The following ESYT2 variants were observed in gnomAD, a reference collection of about 807,000 sequenced individuals.
ESYT2 encodes extended synaptotagmin-2.
A neutral mutation model predicts 107.2 loss-of-function variants in ESYT2; 54 were observed. That is an observed-to-expected ratio of 0.50 (90% CI 0.40 to 0.63). The LOEUF is 0.63. Among genes scored for constraint, ESYT2 ranks in the 30% least tolerant of loss-of-function variants. The pLI is 0.00. For synonymous variants in ESYT2, 491 were observed against 434.1 expected (o/e 1.13, Z -1.63); for missense variants, 1,020 against 1,094.5 (o/e 0.93, Z 0.96).
At chr7:158,771,044 A>T (rs142228501) in intron 7 of ESYT2, among the ~76,000 whole-genome samples, 59 of 152,334 alleles carry the variant, frequency 3.9e-4, no homozygotes, top group Non-Finnish European at 7.8e-4. Context: ...AAAAGAGCCT[A>T]CATAAAAATT....
At chr7:158,819,239 G>A (rs1840225855) in intron 1 of ESYT2, among the ~76,000 whole-genome samples, 5 of 152,148 alleles carry the variant, frequency 3.3e-5, no homozygotes, top group Admixed American at 6.5e-5. Flanking sequence ...GCCTTCCAAG[G>A]CCAGACTTCT....
In ESYT2 at chr7:158,823,465, T is replaced by A. The variant is rs536677723; in HGVS notation, c.330+5624A>T. On this transcript the variant is annotated intron_variant, in intron 1 of 22. Coordinates refer to ENST00000275418, the MANE Select transcript of ESYT2 (RefSeq NM_001367773.1). Reference sequence around the variant, plus strand: ...CCTCAGCCTCCCGAGTAGCTGGGACTACAGGCGCACACCGCCACGCCCGGC... The same window carrying A: ...CCTCAGCCTCCCGAGTAGCTGGGACAACAGGCGCACACCGCCACGCCCGGC... Among the ~76,000 whole-genome samples the A allele has an allele frequency of 1.6e-3, 237 of 150,188 alleles. 1 individual carries two copies. The highest frequency in any genetic ancestry group is 5.6e-3 in the African/African-American group (229 of 41,006).
chr7:158,762,562 T>C (rs115077990), intron 10 of ESYT2, among the ~76,000 whole-genome samples: 1,736 of 152,358 alleles, frequency 0.011, 27 homozygotes, highest in African/African-American at 0.04. Context: ...TATTAACAAA[T>C]GGTGGTCAAA....
intron 16 of ESYT2, among the ~76,000 whole-genome samples, chr7:158,745,432 G>C (rs969476030): frequency 7.3e-6 from 1 of 137,070 alleles, no homozygotes; most frequent in African/African-American, 3.1e-5. Flanking sequence ...CTTCATACCT[G>C]ATATAAGTAG....
intron 13 of ESYT2, among the ~76,000 whole-genome samples, chr7:158,753,154 A>G (rs1192965975): frequency 6.6e-6 from 1 of 152,252 alleles, no homozygotes; most frequent in East Asian, 1.9e-4. Flanking sequence ...GCTTTAGGAA[A>G]GGGTTCTATT....
chr7:158,803,375 C>T (rs1282247175), intron 1 of ESYT2, among the ~76,000 whole-genome samples: 7 of 152,200 alleles, frequency 4.6e-5, no homozygotes, highest in Non-Finnish European at 1.0e-4. Flanking sequence ...TCTACAAGAA[C>T]ATGAGACGCC....
intron 16 of ESYT2, 113 bp from the exon 17 acceptor site, chr7:158,743,791 T>A: frequency 8.1e-7 from 1 of 1,237,508 alleles, no homozygotes; most frequent in Non-Finnish European, 1.1e-6. Context: ...TTAGAAAATG[T>A]AGAAAGGGGC....
chr7:158,772,444 T>G (rs1015580969), intron 7 of ESYT2, among the ~76,000 whole-genome samples: 4 of 152,230 alleles, frequency 2.6e-5, no homozygotes, highest in Non-Finnish European at 4.4e-5. Flanking sequence ...AGTTTCATAA[T>G]TTTCTAAACT....
chr7:158,743,705 G>C, intron 16 of ESYT2, 27 bp from the exon 17 acceptor site: 1 of 1,597,286 alleles, frequency 6.3e-7, no homozygotes, highest in Non-Finnish European at 8.5e-7. Flanking sequence ...GGAAACACTG[G>C]CATAACTAGG....
intron 1 of ESYT2, among the ~76,000 whole-genome samples, chr7:158,810,138 AAC>A (rs1356551683): frequency 6.6e-6 from 1 of 151,558 alleles, no homozygotes; most frequent in Non-Finnish European, 1.5e-5. Flanking sequence ...AAAATATGTA[AAC>A]ACAGAGGTAC....
Position 158,829,075 on chromosome 7 carries a change from G to A in ESYT2, c.330+14C>T. On this transcript the variant is annotated intron_variant, in intron 1 of 22. Transcript: ENST00000275418. ...GGTGGTCAGGGGTCGGGACGGGCAGGGGTCTGCACTCACCCAGGCGGGCAG... is the reference window on the plus strand; with the variant it reads ...GGTGGTCAGGGGTCGGGACGGGCAGAGGTCTGCACTCACCCAGGCGGGCAG... 1 of 1,580,534 alleles carries A rather than the reference G, an allele frequency of 6.3e-7. No individual in the cohort carries two copies. The highest frequency in any genetic ancestry group is 8.5e-7 in the Non-Finnish European group (1 of 1,172,778).
At position 158,759,575 on chromosome 7, in the gene ESYT2, T is replaced by C; in HGVS notation, c.1330A>G (p.Thr444Ala). 6.2e-7 allele frequency: 1 copy of C among 1,609,088 alleles called. No individual in the cohort carries two copies. The highest frequency in any genetic ancestry group is 8.5e-7 in the Non-Finnish European group (1 of 1,175,892). The change falls in exon 13 of 23, where the codon ACA (threonine) becomes GCA (alanine). Residue 444 changes from threonine (T) to alanine (A), a missense_variant. Transcript: ENST00000275418. Reference protein sequence around the residue: ...PNASNLDKVLTDIKADKDQAN... With the variant: ...PNASNLDKVLADIKADKDQAN... ...TGGTCTTTGTCAGCTTTGATGTCTG[T>C]TAGCACCTAAAAGGAAAGGAAAAAG...
At chr7:158,804,702 G>A (rs945628204) in intron 1 of ESYT2, among the ~76,000 whole-genome samples, 6 of 151,510 alleles carry the variant, frequency 4.0e-5, no homozygotes, top group Admixed American at 2.6e-4. Context: ...GGTGAGGCGC[G>A]TGACAAACCC....
chr7:158,737,088 G>T lies in ESYT2; in HGVS notation c.2359C>A (p.His787Asn). 4 of 1,613,956 alleles carry T rather than the reference G, an allele frequency of 2.5e-6. No homozygotes were observed. The highest frequency in any genetic ancestry group is 3.4e-6 in the Non-Finnish European group (4 of 1,179,874). The change falls in exon 20 of 23, where the codon CAC becomes AAC. Residue 787 changes from histidine (H) to asparagine (N), a missense_variant. Coordinates refer to ENST00000275418, the MANE Select transcript of ESYT2 (RefSeq NM_001367773.1). ...GGATTTAATGTTTTCTTTGACACGTGTGTTTTCCTCCTTCCTGACCGCCTC... is the reference window on the plus strand; with the variant it reads ...GGATTTAATGTTTTCTTTGACACGTTTGTTTTCCTCCTTCCTGACCGCCTC... The part of the protein sequence containing the change: ...DKRRSGRRKT[H>N]VSKKTLNPVF...
chr7:158,819,481 T>C lies in ESYT2; in HGVS notation c.330+9608A>G, dbSNP rs138569215. 3.0e-4 allele frequency among the ~76,000 whole-genome samples: 46 copies of C among 152,366 alleles called. No individual in the cohort carries two copies. The East Asian group carries it at 7.9e-3, about 26-fold the overall frequency. ...TCTGGTAGCTTCATAAGACAGATGA[T>C]ACTGCAATAGTCAAAGTCATATTTC... On this transcript the variant is annotated intron_variant, in intron 1 of 22. Transcript: ENST00000275418.
At chr7:158,826,719 G>A (rs1416332549) in intron 1 of ESYT2, among the ~76,000 whole-genome samples, 3 of 151,070 alleles carry the variant, frequency 2.0e-5, no homozygotes, top group African/African-American at 4.9e-5. Context: ...TATTCGGGAG[G>A]CTGAGGCAGG....
chr7:158,762,430 G>A (rs1377373260), intron 10 of ESYT2, among the ~76,000 whole-genome samples: 2 of 152,104 alleles, frequency 1.3e-5, no homozygotes, highest in South Asian at 2.1e-4. Flanking sequence ...AGGCCACAAC[G>A]TGCAAGGGCC....
Position 158,829,361 on chromosome 7 carries a change from C to T in ESYT2, c.58G>A (p.Ala20Thr). 7.3e-7 allele frequency: 1 copy of T among 1,378,260 alleles called. No homozygotes were observed. Among genetic ancestry groups the T allele is most frequent in the South Asian group, 1.6e-5 (1 of 61,556 alleles). The allele number at this position is 1,378,260 out of a possible 1,614,324, so 85.4% of individuals were successfully genotyped here. A position where few individuals can be genotyped will look rare whatever the true frequency, so the allele number is the denominator to read the frequency against. The change falls in exon 1 of 23, where the codon GCG (alanine) becomes ACG (threonine). Residue 20 changes from alanine to threonine, a missense_variant. Physicochemically the swap from Ala to Thr is moderately conservative, Grantham distance 58 (BLOSUM62 0). Coordinates refer to ENST00000275418, the MANE Select transcript of ESYT2 (RefSeq NM_001367773.1). Reference protein sequence around the residue: ...EAGAGGAGGRAAPENPGGVLS... With the variant: ...EAGAGGAGGRTAPENPGGVLS... ...ACGCCCCCGGGGTTCTCAGGCGCCG[C>T]GCGGCCCCCAGCCCCGCCGGCGCCC...
intron 1 of ESYT2, among the ~76,000 whole-genome samples, chr7:158,813,302 G>A (rs1840040810): frequency 6.6e-6 from 1 of 152,206 alleles, no homozygotes; most frequent in African/African-American, 2.4e-5. Flanking sequence ...TTTTAGGGCA[G>A]CAAAACTACT....
Sources: gnomAD v4.1 joint callset for allele counts (sites outside exome capture counted in the v4.1 genomes callset) on GRCh38, gnomAD v4.1.1 for gene constraint, MANE v1.5 for transcripts, NCBI Gene and HGNC (gene_info 2026-07-23, HGNC 2026-07-21) for gene names.